The following SOX6 variants were observed in gnomAD, a reference collection of about 807,000 sequenced individuals.
The protein encoded by SOX6 is SRY-box transcription factor 6.
A neutral mutation model predicts 97.8 loss-of-function variants in SOX6; 11 were observed. The ratio of observed to expected loss-of-function variants is 0.11; its 90% CI spans 0.07 to 0.19. The LOEUF (loss-of-function observed/expected upper bound fraction) is 0.19, where lower values mean the gene tolerates loss of function less well. Among genes scored for constraint, SOX6 ranks in the 10% least tolerant of loss-of-function variants. SOX6 has a pLI of 1.00. For missense variants in SOX6, 810 were observed against 1,039.5 expected, an observed-to-expected ratio of 0.78 and a Z score of 3.04; for synonymous variants, 360 against 371.4, an observed-to-expected ratio of 0.97 and a Z score of 0.35.
chr11:16,507,158 G>C (rs1412238747), intron 4 of SOX6, among the ~76,000 whole-genome samples: 1 of 152,036 alleles, frequency 6.6e-6, no homozygotes, highest in Non-Finnish European at 1.5e-5. Context: ...GTGGAGATGT[G>C]CCTGCTTCCC....
At chr11:16,078,442 G>C (rs1478893538) in intron 9 of SOX6, among the ~76,000 whole-genome samples, 1 of 152,182 alleles carries the variant, frequency 6.6e-6, no homozygotes, top group South Asian at 2.1e-4. Context: ...TACATGTGCT[G>C]AGTCCAATCA....
chr11:16,564,634 T>C (rs1196974155), intron 4 of SOX6, among the ~76,000 whole-genome samples: 2 of 152,114 alleles, frequency 1.3e-5, no homozygotes, highest in East Asian at 3.9e-4. Context: ...ACAATGGGAT[T>C]AAACTGGAAA....
rs1421440059 is a variant in SOX6, at chr11:16,300,446, C to T, written c.445+18000G>A. Among the ~76,000 whole-genome samples, 1 of 152,046 alleles carries T rather than the reference C, an allele frequency of 6.6e-6. No individual in the cohort carries two copies. The highest frequency in any genetic ancestry group is 1.9e-4 in the East Asian group (1 of 5,192). On this transcript the variant is annotated intron_variant, in intron 3 of 15. Transcript: ENST00000683767. The surrounding 1 kb of genome is among the most constrained non-coding windows in gnomAD (Gnocchi z 4.1). ...TGACAAGCACTGTCTGGAGAGCTCTCAATAAATAATACATTGACAATTTTC... is the reference window on the plus strand; with the variant it reads ...TGACAAGCACTGTCTGGAGAGCTCTTAATAAATAATACATTGACAATTTTC...
intron 2 of SOX6, among the ~76,000 whole-genome samples, chr11:16,733,172 T>C (rs1848363957): frequency 6.6e-6 from 1 of 152,220 alleles, no homozygotes; most frequent in African/African-American, 2.4e-5. Flanking sequence ...AGTGTGACAA[T>C]TCCTCAAGGA....
chr11:16,724,133 G>A (rs1392997), intron 2 of SOX6, among the ~76,000 whole-genome samples: 47,232 of 152,146 alleles, frequency 0.31, 8,827 homozygotes, highest in Non-Finnish European at 0.42. Context: ...TTTTTAGACT[G>A]TTGTCTTGAA....
intron 3 of SOX6, among the ~76,000 whole-genome samples, chr11:16,248,408 G>A (rs576696595): frequency 1.3e-5 from 2 of 152,280 alleles, no homozygotes; most frequent in South Asian, 4.1e-4. Context: ...CCTATCAGAG[G>A]TTCTCCATGA....
intron 1 of SOX6, among the ~76,000 whole-genome samples, chr11:16,399,279 G>A (rs1303301956): frequency 1.3e-5 from 2 of 151,292 alleles, no homozygotes; most frequent in Admixed American, 6.6e-5. Flanking sequence ...AATTGCTACT[G>A]TATAAAAGAT....
chr11:16,714,261 A>C (rs1848201779), intron 3 of SOX6, among the ~76,000 whole-genome samples: 1 of 148,586 alleles, frequency 6.7e-6, no homozygotes, highest in Non-Finnish European at 1.5e-5. Flanking sequence ...GAAAAAAAAA[A>C]TCTGCTTCCA....
intron 4 of SOX6, among the ~76,000 whole-genome samples, chr11:16,588,760 G>A (rs1373574486): frequency 1.3e-5 from 2 of 152,188 alleles, no homozygotes; most frequent in Non-Finnish European, 2.9e-5. Context: ...CAGGCACCAT[G>A]GCTTAAGCCT....
intron 1 of SOX6, among the ~76,000 whole-genome samples, chr11:16,364,162 T>C (rs1411868175): frequency 6.6e-6 from 1 of 152,096 alleles, no homozygotes; most frequent in Non-Finnish European, 1.5e-5. Context: ...CCAGTTGGGC[T>C]AAAAAATTTG....
intron 13 of SOX6, among the ~76,000 whole-genome samples, chr11:16,004,518 G>A (rs1446495685): frequency 6.6e-6 from 1 of 151,812 alleles, no homozygotes; most frequent in East Asian, 1.9e-4. Context: ...GGTTAGGGTT[G>A]AGGAATGAAC....
intron 2 of SOX6, among the ~76,000 whole-genome samples, chr11:16,724,742 T>C (rs1440916968): frequency 6.6e-6 from 1 of 152,230 alleles, no homozygotes; most frequent in African/African-American, 2.4e-5. Context: ...TGTGTATATA[T>C]ATTCATTAGT....
At chr11:15,981,757 C>T (rs1463785823) in intron 15 of SOX6, among the ~76,000 whole-genome samples, 1 of 151,980 alleles carries the variant, frequency 6.6e-6, no homozygotes, top group African/African-American at 2.4e-5. Flanking sequence ...GTTCAAATCA[C>T]TTATAGTACA....
intron 2 of SOX6, among the ~76,000 whole-genome samples, chr11:16,731,228 C>T (rs1353776471): frequency 1.3e-5 from 2 of 152,188 alleles, no homozygotes; most frequent in Admixed American, 6.5e-5. Flanking sequence ...AGAGCGACTC[C>T]TCCCTAACTC....
At chr11:16,443,936 C>T (rs1337775853) in intron 1 of SOX6, among the ~76,000 whole-genome samples, 1 of 150,628 alleles carries the variant, frequency 6.6e-6, no homozygotes, top group African/African-American at 2.4e-5. Context: ...TCGCTTGAAC[C>T]CGGGAGGTGG....
At position 16,174,253 on chromosome 11, in the gene SOX6, T is replaced by C. The variant is rs75511073; in HGVS notation, c.777+9633A>G. On this transcript the variant is annotated intron_variant, in intron 6 of 15. Transcript: ENST00000683767. Reference sequence around the variant, plus strand: ...AAGAGAAAAATTTTCCACTGAAACATACATGTATCAAAAGTTAGAGTCCAG... The same window carrying C: ...AAGAGAAAAATTTTCCACTGAAACACACATGTATCAAAAGTTAGAGTCCAG... Among the ~76,000 whole-genome samples the C allele has an allele frequency of 0.035, 5,259 of 151,866 alleles. 498 individuals carry two copies. In the East Asian group the frequency reaches 0.37, roughly 11 times the overall value.
chr11:16,413,354 A>AT (rs1181333598), intron 1 of SOX6, among the ~76,000 whole-genome samples: 5 of 152,104 alleles, frequency 3.3e-5, no homozygotes. Flanking sequence ...TCTTGCAAAG[A>AT]TTTACAGAGC....
chr11:16,666,729 C>T (rs551839704), intron 3 of SOX6, among the ~76,000 whole-genome samples: 1 of 151,930 alleles, frequency 6.6e-6, no homozygotes, highest in African/African-American at 2.4e-5. Flanking sequence ...CCTAGGAACA[C>T]AGGTTGCAGT....
intron 1 of SOX6, among the ~76,000 whole-genome samples, chr11:16,451,438 T>C (rs1251828288): frequency 6.6e-6 from 1 of 152,120 alleles, no homozygotes; most frequent in African/African-American, 2.4e-5. Flanking sequence ...TGCTAAGGAC[T>C]TCCAAAAGCC....
Sources: allele counts gnomAD v4.1 joint callset (sites outside exome capture counted in the v4.1 genomes callset), GRCh38; gene constraint gnomAD v4.1.1; non-coding constraint Gnocchi (gnomAD v3.1); transcripts MANE v1.5; gene names NCBI Gene and HGNC (gene_info 2026-07-23, HGNC 2026-07-21).